The following GABPB1 variants were observed in gnomAD, a reference collection of about 807,000 sequenced individuals.
The protein encoded by GABPB1 is GA-binding protein subunit beta-1.
A neutral mutation model predicts 45.9 loss-of-function variants in GABPB1; 15 were observed. That is an observed-to-expected ratio of 0.33 (90% CI 0.22 to 0.50). The LOEUF is 0.50. GABPB1 is among the 20% of genes least tolerant of loss of function. The probability of loss-of-function intolerance (pLI) is 0.98; values close to 1 mark genes in which losing one functional copy is unlikely to be tolerated. For missense variants in GABPB1, 252 were observed against 457.5 expected (o/e 0.55, Z 4.10); for synonymous variants, 143 against 154.4 (o/e 0.93, Z 0.55).
intron 1 of GABPB1, among the ~76,000 whole-genome samples, chr15:50,342,475 T>G (rs1463070038): frequency 6.6e-6 from 1 of 152,200 alleles, no homozygotes; most frequent in Non-Finnish European, 1.5e-5. Context: ...ATAAACACTG[T>G]AAACCTACAC....
intron 8 of GABPB1, among the ~76,000 whole-genome samples, chr15:50,283,560 G>C (rs1254479693): frequency 6.6e-6 from 1 of 151,614 alleles, no homozygotes; most frequent in Non-Finnish European, 1.5e-5. Context: ...ACCCAGGCTG[G>C]AGTGCAATGG....
intron 2 of GABPB1, among the ~76,000 whole-genome samples, chr15:50,308,848 A>AT (rs1395337685): frequency 6.6e-6 from 1 of 152,220 alleles, no homozygotes; most frequent in Non-Finnish European, 1.5e-5. Flanking sequence ...TTTATGGATA[A>AT]AATGATATGG....
intron 1 of GABPB1, among the ~76,000 whole-genome samples, chr15:50,313,582 T>C (rs2047204418): frequency 6.6e-6 from 1 of 152,112 alleles, no homozygotes; most frequent in African/African-American, 2.4e-5. Flanking sequence ...ATAACTCTTC[T>C]AATGTGACCA....
chr15:50,310,022 T>TA (rs1157665882), intron 1 of GABPB1, among the ~76,000 whole-genome samples: 1 of 152,228 alleles, frequency 6.6e-6, no homozygotes, highest in African/African-American at 2.4e-5. Flanking sequence ...AAAAGTAGTT[T>TA]AAATTCTCCA....
At chr15:50,290,586 G>A (rs1323369846) in intron 6 of GABPB1, among the ~76,000 whole-genome samples, 1 of 144,942 alleles carries the variant, frequency 6.9e-6, no homozygotes, top group Non-Finnish European at 1.5e-5. Flanking sequence ...ACAAGACCCT[G>A]TCTCAAAAAA....
At chr15:50,332,165 G>A (rs1409849413) in intron 1 of GABPB1, among the ~76,000 whole-genome samples, 2 of 152,020 alleles carry the variant, frequency 1.3e-5, no homozygotes, top group South Asian at 2.1e-4. Flanking sequence ...ATGAGCCACC[G>A]TGCCCAGCCC....
At chr15:50,334,505 C>CTTTTTTTTTTTTTTTTTTTTTTT (rs60433481) in intron 1 of GABPB1, among the ~76,000 whole-genome samples, 3 of 109,376 alleles carry the variant, frequency 2.7e-5, no homozygotes, top group Non-Finnish European at 5.5e-5. Flanking sequence ...TCTTTTTTTC[C>CTTTTTTTTTTTTTTTTTTTTTTT]TTTTTTTTTT....
At chr15:50,310,329 A>G (rs1048518478) in intron 1 of GABPB1, among the ~76,000 whole-genome samples, 1 of 152,096 alleles carries the variant, frequency 6.6e-6, no homozygotes, top group East Asian at 1.9e-4. Flanking sequence ...CTGACCTCAA[A>G]TGATCTGCCC....
chr15:50,296,287 T>C (rs1418173963), intron 6 of GABPB1, among the ~76,000 whole-genome samples: 1 of 152,218 alleles, frequency 6.6e-6, no homozygotes, highest in Non-Finnish European at 1.5e-5. Context: ...GCTTACACTA[T>C]ATTTTGGTCA....
At chr15:50,302,878 C>T (rs1231614500) in intron 4 of GABPB1, 51 bp downstream of exon 4, 3 of 1,234,002 alleles carry the variant, frequency 2.4e-6, no homozygotes, top group East Asian at 4.8e-5. Context: ...GATCCCTCTA[C>T]TGATAAGGCT....
At position 50,291,484 on chromosome 15, in the gene GABPB1, AT is replaced by A. The variant is rs537438110; in HGVS notation, c.698-1817del. Among the ~76,000 whole-genome samples the A allele has an allele frequency of 7.4e-3, 1,040 of 139,922 alleles. 9 individuals carry two copies. Among genetic ancestry groups the A allele is most frequent in the African/African-American group, 0.017 (653 of 38,202 alleles). The allele number at this position is 139,922 out of a possible 152,430, so 91.8% of individuals were successfully genotyped here. ...CAGGTGTGTGCCACCACGCCTGGTA[AT>A]TTTTTTTTTTTTTTTGTATTTTTAG... On this transcript the variant is annotated intron_variant, in intron 6 of 8. Coordinates refer to ENST00000380877, the MANE Select transcript of GABPB1 (RefSeq NM_016654.5).
At chr15:50,309,888 A>G in intron 1 of GABPB1, 90 bp from the exon 2 acceptor site, 1 of 766,126 alleles carries the variant, frequency 1.3e-6, no homozygotes, top group East Asian at 2.5e-5. Flanking sequence ...TTAATAAGTC[A>G]GTTCTCAATT....
intron 8 of GABPB1, among the ~76,000 whole-genome samples, chr15:50,283,858 C>A (rs2046075371): frequency 6.6e-6 from 1 of 152,144 alleles, no homozygotes; most frequent in African/African-American, 2.4e-5. Flanking sequence ...TCATTGCAGT[C>A]ACAGATACAT....
chr15:50,293,012 G>A (rs1397131201), intron 6 of GABPB1, among the ~76,000 whole-genome samples: 1 of 151,758 alleles, frequency 6.6e-6, no homozygotes, highest in African/African-American at 2.4e-5. Context: ...ATTATAACTA[G>A]TTCAAAAAGA....
chr15:50,343,642 G>A (rs142868600), intron 1 of GABPB1, among the ~76,000 whole-genome samples: 9,402 of 151,940 alleles, frequency 0.062, 840 homozygotes, highest in African/African-American at 0.2. Flanking sequence ...AGGTTCAAGC[G>A]ATTCTCCTGC....
intron 2 of GABPB1, among the ~76,000 whole-genome samples, chr15:50,308,006 A>AT (rs376862031): frequency 4.9e-4 from 71 of 145,388 alleles, no homozygotes; most frequent in South Asian, 1.7e-3. Flanking sequence ...AGTCTGGATC[A>AT]TTTTTTTTTT....
chr15:50,284,326 C>A (rs2046088059), intron 8 of GABPB1, among the ~76,000 whole-genome samples: 1 of 152,196 alleles, frequency 6.6e-6, no homozygotes, highest in Non-Finnish European at 1.5e-5. Flanking sequence ...CCTAAGAGGT[C>A]ATGCAACCTT....
intron 1 of GABPB1, 183 bp downstream of exon 1, chr15:50,354,802 G>T (rs2049032794): frequency 4.4e-6 from 1 of 228,248 alleles, no homozygotes; most frequent in Non-Finnish European, 8.8e-6. Flanking sequence ...CGCCCAGGCC[G>T]ACCCCGCCGA....
At chr15:50,315,990 G>C (rs2047313442) in intron 1 of GABPB1, among the ~76,000 whole-genome samples, 1 of 152,206 alleles carries the variant, frequency 6.6e-6, no homozygotes, top group South Asian at 2.1e-4. Flanking sequence ...CTGAACCCAG[G>C]AGGCAGAGGC....
Sources: gnomAD v4.1 joint callset for allele counts (sites outside exome capture counted in the v4.1 genomes callset) on GRCh38, gnomAD v4.1.1 for gene constraint, MANE v1.5 for transcripts, NCBI Gene and HGNC (gene_info 2026-07-23, HGNC 2026-07-21) for gene names.